CANX: variants seen among roughly 807,000 people sequenced by gnomAD.
CANX encodes calnexin.
Under a neutral mutation model 75.7 loss-of-function variants are expected in CANX, and 14 were observed. The observed-to-expected ratio is 0.19, with a 90% CI of 0.12 to 0.29. The LOEUF (loss-of-function observed/expected upper bound fraction) is 0.29. Among genes scored for constraint, CANX ranks in the 10% least tolerant of loss-of-function variants. The pLI is 1.00. For missense variants in CANX, 567 were observed against 713.2 expected (o/e 0.79, Z 2.34); for synonymous variants, 227 against 236.9 (o/e 0.96, Z 0.38).
intron 3 of CANX, among the ~76,000 whole-genome samples, 187 bp from the exon 4 acceptor site, chr5:179,706,945 T>C (rs1488790451): frequency 6.6e-6 from 1 of 152,226 alleles, no homozygotes; most frequent in Admixed American, 6.6e-5. Context: ...TTTGGTACTT[T>C]TTCATATAGG....
chr5:179,684,567 C>T (rs1013899342), intron 1 of CANX, among the ~76,000 whole-genome samples: 2 of 151,204 alleles, frequency 1.3e-5, no homozygotes, highest in Non-Finnish European at 2.9e-5. Context: ...GTCTTGATCT[C>T]CTGACCCCAT....
intron 1 of CANX, among the ~76,000 whole-genome samples, chr5:179,681,961 AAAAG>A (rs1374685505): frequency 2.0e-5 from 3 of 151,254 alleles, no homozygotes; most frequent in Non-Finnish European, 2.9e-5. Context: ...AAAAAAAAAA[AAAAG>A]AGGGCCAGGC....
intron 7 of CANX, among the ~76,000 whole-genome samples, chr5:179,713,606 T>G (rs1777727492): frequency 6.6e-6 from 1 of 152,184 alleles, no homozygotes; most frequent in Admixed American, 6.6e-5. Flanking sequence ...AGAATTGTAC[T>G]GTTCCCAATA....
In CANX at chr5:179,728,848, C is replaced by G; in HGVS notation, c.*204C>G. ...AGTTGTGATATAAAGGACCCTGTTTCTGTAGAAAAGAAAACATTTAACATA... is the reference window on the plus strand; with the variant it reads ...AGTTGTGATATAAAGGACCCTGTTTGTGTAGAAAAGAAAACATTTAACATA... On this transcript the variant is annotated 3_prime_UTR_variant, in exon 15 of 15. Coordinates refer to ENST00000247461, the MANE Select transcript of CANX (RefSeq NM_001746.4). 1.5e-6 allele frequency: 1 copy of G among 657,138 alleles called. No homozygotes were observed. The allele number at this position is 657,138 out of a possible 1,614,324, so 40.7% of individuals were successfully genotyped here. A position where few individuals can be genotyped will look rare whatever the true frequency, so the allele number is the denominator to read the frequency against.
upstream of CANX, among the ~76,000 whole-genome samples, chr5:179,693,672 AAAAAT>A (rs953494504): frequency 3.3e-5 from 5 of 151,884 alleles, no homozygotes; most frequent in East Asian, 3.9e-4. Flanking sequence ...TCTGTCTCAA[AAAAAT>A]AAAATAAAAA....
chr5:179,720,864 A>G (rs187218265), intron 10 of CANX, among the ~76,000 whole-genome samples: 2 of 151,866 alleles, frequency 1.3e-5, no homozygotes, highest in Non-Finnish European at 2.9e-5. Context: ...CCTCACTGCA[A>G]CCTCTGCCTT....
chr5:179,680,785 A>C (rs902652071), intron 1 of CANX: 14 of 1,020,442 alleles, frequency 1.4e-5, no homozygotes, highest in Non-Finnish European at 1.9e-5. Flanking sequence ...AGAAAGAACT[A>C]GAGCAGGGTT....
intron 7 of CANX, among the ~76,000 whole-genome samples, chr5:179,714,534 T>C (rs1358711428): frequency 1.3e-5 from 2 of 152,054 alleles, no homozygotes; most frequent in Non-Finnish European, 2.9e-5. Context: ...ATTTTTTTTT[T>C]TGAGACGGAG....
At chr5:179,681,352 G>A (rs1366093182) in intron 1 of CANX, among the ~76,000 whole-genome samples, 5 of 152,192 alleles carry the variant, frequency 3.3e-5, no homozygotes, top group Admixed American at 6.6e-5. Flanking sequence ...CTAACAGAGC[G>A]TGTCATGGGT....
At chr5:179,688,691 T>C (rs1776239628) in intron 1 of CANX, among the ~76,000 whole-genome samples, 1 of 150,820 alleles carries the variant, frequency 6.6e-6, no homozygotes, top group African/African-American at 2.4e-5. Flanking sequence ...TTAGCAATCA[T>C]GATATTTGGC....
chr5:179,702,844 A>G (rs1209031147), intron 1 of CANX, among the ~76,000 whole-genome samples: 2 of 151,562 alleles, frequency 1.3e-5, no homozygotes, highest in African/African-American at 2.4e-5. Context: ...TTCAACTCAC[A>G]CTGCAAACTC....
rs952690544 is a variant in CANX, at chr5:179,728,998, T to C, written c.*354T>C. On this transcript the variant is annotated 3_prime_UTR_variant, in exon 15 of 15. Coordinates refer to ENST00000247461, the MANE Select transcript of CANX (RefSeq NM_001746.4). ...GGCTTAATTTAATGTATTAATCTGT[T>C]TGTGCAAACATAATACCACCATTTA... is the stretch of plus-strand genomic sequence containing the variant. 2.5e-5 allele frequency: 8 copies of C among 317,324 alleles called. No individual in the cohort carries two copies. The highest frequency in any genetic ancestry group is 4.3e-5 in the Non-Finnish European group (7 of 164,222). 19.7% of individuals were successfully genotyped at this position (317,324 alleles called of 1,614,324 possible). A position where few individuals can be genotyped will look rare whatever the true frequency, so the allele number is the denominator to read the frequency against.
chr5:179,682,251 TC>T (rs1776082878), intron 1 of CANX, among the ~76,000 whole-genome samples: 2 of 90,506 alleles, frequency 2.2e-5, no homozygotes. Flanking sequence ...AAACTCCATC[TC>T]AAAAAAAAAA....
At chr5:179,700,828 G>A (rs1776689512) in intron 1 of CANX, 1 of 152,630 alleles carries the variant, frequency 6.6e-6, no homozygotes, top group South Asian at 2.1e-4. Context: ...TGAATTGCAG[G>A]CTCATGAAAC....
intron 3 of CANX, among the ~76,000 whole-genome samples, chr5:179,706,920 G>C (rs1777177424): frequency 6.6e-6 from 1 of 152,116 alleles, no homozygotes; most frequent in Non-Finnish European, 1.5e-5. Context: ...AACATCAGTG[G>C]AATTATCTCA....
chr5:179,694,692 C>T, upstream of CANX: 3 of 713,122 alleles, frequency 4.2e-6, no homozygotes, highest in Non-Finnish European at 5.1e-6. Flanking sequence ...TGGCTCAAAG[C>T]GTCCTGCTAA....
chr5:179,689,601 G>T (rs1776263788), intron 1 of CANX, among the ~76,000 whole-genome samples: 1 of 152,102 alleles, frequency 6.6e-6, no homozygotes, highest in Admixed American at 6.6e-5. Flanking sequence ...TGTTGGCCAG[G>T]CTGGTCTCAA....
Position 179,716,216 on chromosome 5 carries a change from A to T in CANX, c.833A>T (p.Asp278Val). 2 of 1,614,106 alleles carry T rather than the reference A, an allele frequency of 1.2e-6. No homozygotes were observed. Among genetic ancestry groups the T allele is most frequent in the Non-Finnish European group, 1.7e-6 (2 of 1,179,938 alleles). Residue 278 changes from aspartate (D) to valine (V), a missense_variant, in exon 8 of 15, where the codon GAC becomes GTC. By Grantham distance (152) the Asp-to-Val change is radical (BLOSUM62 -3). Coordinates refer to ENST00000247461, the MANE Select transcript of CANX (RefSeq NM_001746.4). The part of the protein sequence containing the change: ...PPVNPSREIE[D>V]PEDRKPEDWD... ...GTAAATCCTTCACGTGAAATTGAGG[A>T]CCCAGAAGACCGGAAGCCCGAGGAT... is the stretch of plus-strand genomic sequence containing the variant.
intron 1 of CANX, among the ~76,000 whole-genome samples, chr5:179,705,138 A>G (rs1273343143): frequency 6.6e-6 from 1 of 152,114 alleles, no homozygotes; most frequent in Non-Finnish European, 1.5e-5. Flanking sequence ...GGCGCCCGCT[A>G]TCGCTCCCAG....
Sources: gnomAD v4.1 joint callset for allele counts (sites outside exome capture counted in the v4.1 genomes callset) on GRCh38, gnomAD v4.1.1 for gene constraint, MANE v1.5 for transcripts, NCBI Gene and HGNC (gene_info 2026-07-23, HGNC 2026-07-21) for gene names.